The following VPS13A variants were observed in gnomAD, a reference collection of about 807,000 sequenced individuals.
VPS13A encodes vacuolar protein sorting 13 homolog A.
VPS13A carries 264 observed loss-of-function variants against 390.9 expected under a neutral mutation model. The ratio of observed to expected loss-of-function variants is 0.68; its 90% CI spans 0.61 to 0.75. VPS13A has a LOEUF of 0.75. Ranked by LOEUF, VPS13A falls within the 30% of genes least tolerant of loss-of-function variation. The pLI, the probability that VPS13A is intolerant of heterozygous loss-of-function variation, is 0.00. For missense variants in VPS13A, 3,409 were observed against 3,733.9 expected (o/e 0.91, Z 2.27); for synonymous variants, 1,231 against 1,227.1 (o/e 1.00, Z -0.07).
chr9:77,252,775 G>A (rs544060280), intron 22 of VPS13A, among the ~76,000 whole-genome samples: 3 of 152,134 alleles, frequency 2.0e-5, no homozygotes, highest in African/African-American at 7.2e-5. Flanking sequence ...TCTTCACTTA[G>A]CATAATGTCT....
intron 70 of VPS13A, among the ~76,000 whole-genome samples, chr9:77,407,107 T>C (rs1834652542): frequency 6.6e-6 from 1 of 152,204 alleles, no homozygotes; most frequent in Non-Finnish European, 1.5e-5. Context: ...ATACAATATA[T>C]GTATGTGTTT....
intron 68 of VPS13A, chr9:77,383,013 A>G: frequency 1.0e-6 from 1 of 985,302 alleles, no homozygotes; most frequent in Non-Finnish European, 1.2e-6. Flanking sequence ...CAAACAAGGA[A>G]TCATTATGTT....
At chr9:77,372,924 AC>A (rs1406063780) in intron 67 of VPS13A, among the ~76,000 whole-genome samples, 1 of 151,926 alleles carries the variant, frequency 6.6e-6, no homozygotes, top group Admixed American at 6.6e-5. Flanking sequence ...AATCCAACTT[AC>A]AAGGGATGTG....
In VPS13A at chr9:77,225,908, T is replaced by G; in HGVS notation, c.1162-18T>G. ...GTTATTTTTGTAAAGTTAACACATT[T>G]TTGTTTATATTTTTCAGGAGTTGGA... On this transcript the variant is annotated intron_variant, in intron 13 of 71. Coordinates refer to ENST00000360280, the MANE Select transcript of VPS13A (RefSeq NM_033305.3). 6.3e-7 allele frequency: 1 copy of G among 1,589,632 alleles called. No individual in the cohort carries two copies. The highest frequency in any genetic ancestry group is 8.6e-7 in the Non-Finnish European group (1 of 1,158,998).
At chr9:77,247,586 T>G (rs10115162) in intron 20 of VPS13A, among the ~76,000 whole-genome samples, 191 bp downstream of exon 20, 2 of 152,096 alleles carry the variant, frequency 1.3e-5, no homozygotes, top group African/African-American at 4.8e-5. Flanking sequence ...CCTACACTTA[T>G]GAAAGCAAAA....
At chr9:77,286,925 T>C (rs1827356083) in intron 31 of VPS13A, among the ~76,000 whole-genome samples, 2 of 152,042 alleles carry the variant, frequency 1.3e-5, no homozygotes, top group South Asian at 4.1e-4. Context: ...AACATGGTGT[T>C]TTATTAACCG....
At position 77,340,451 on chromosome 9, in the gene VPS13A, G is replaced by A. The variant is rs1234466946; in HGVS notation, c.6927G>A (p.Val2309=). 6.2e-7 allele frequency: 1 copy of A among 1,613,116 alleles called. No homozygotes were observed. The highest frequency in any genetic ancestry group is 1.3e-5 in the African/African-American group (1 of 74,810). The change falls in exon 50 of 72, where the codon GTG becomes GTA. Residue 2309 remains valine (V), a synonymous_variant. Transcript: ENST00000360280. ...DLSSFNITRI[V]TFTPFYMIKN... is the part of the protein sequence containing the mutation. ...GCAGTTTTAACATTACTAGAATTGT[G>A]ACATTTACCCCTTTTTATATGATTA...
At chr9:77,272,997 T>A (rs1826435749) in intron 23 of VPS13A, among the ~76,000 whole-genome samples, 1 of 152,238 alleles carries the variant, frequency 6.6e-6, no homozygotes, top group Non-Finnish European at 1.5e-5. Context: ...TTTAATACTA[T>A]GTTGACTTAA....
At chr9:77,214,286 A>G in intron 9 of VPS13A, 43 bp from the exon 10 acceptor site, 1 of 1,565,442 alleles carries the variant, frequency 6.4e-7, no homozygotes, top group South Asian at 1.1e-5. Flanking sequence ...AAAAAAAGAC[A>G]TATTGGCATG....
Position 77,323,184 on chromosome 9 carries a change from C to G in VPS13A, c.5948C>G (p.Thr1983Arg). 1 of 1,613,394 alleles carries G rather than the reference C, an allele frequency of 6.2e-7. No individual in the cohort carries two copies. The highest frequency in any genetic ancestry group is 1.1e-5 in the South Asian group (1 of 91,076). ...AGATCTATTGTTTGTCAAATTGATA[C>G]AGTAGAAGGAAGTAAGAAGGTCACA... is the stretch of plus-strand genomic sequence containing the variant. ...VERSIVCQID[T>R]VEGSKKVTIR... is the part of the protein sequence containing the mutation. Residue 1983 changes from threonine to arginine, a missense_variant, in exon 45 of 72, where the codon ACA becomes AGA. Thr to Arg is a moderately conservative substitution (Grantham distance 71). Transcript: ENST00000360280.
rs746224069 is a variant in VPS13A, at chr9:77,366,709, A to G, written c.8326-18A>G. On this transcript the variant is annotated intron_variant, in intron 60 of 71. Coordinates refer to ENST00000360280, the MANE Select transcript of VPS13A (RefSeq NM_033305.3). ...ATGAAGAAAATACTTTTAAATATTT[A>G]TCTCTTTATCTTTTTAGTTACATTT... 2 of 1,590,502 alleles carry G rather than the reference A, an allele frequency of 1.3e-6. No homozygotes were observed. The highest frequency in any genetic ancestry group is 8.6e-7 in the Non-Finnish European group (1 of 1,165,314).
At chr9:77,396,441 TAGTC>T (rs1834122649) in intron 68 of VPS13A, among the ~76,000 whole-genome samples, 1 of 152,204 alleles carries the variant, frequency 6.6e-6, no homozygotes, top group Non-Finnish European at 1.5e-5. Context: ...TTTGACCATA[TAGTC>T]AGTAAGATTT....
chr9:77,358,570 A>G, intron 57 of VPS13A, 132 bp downstream of exon 57: 2 of 755,658 alleles, frequency 2.6e-6, no homozygotes, highest in South Asian at 1.5e-5. Context: ...AAACTGCTTG[A>G]AAAAGGACCA....
chr9:77,399,167 T>TAA (rs763173093), intron 68 of VPS13A, among the ~76,000 whole-genome samples: 50 of 86,104 alleles, frequency 5.8e-4, no homozygotes, highest in African/African-American at 1.7e-3. Context: ...TAGAGTATAA[T>TAA]AAAAAAAAAA....
At chr9:77,357,326 AAAAAAAAAAAAAAAAAG>A (rs1385853150) in intron 55 of VPS13A, among the ~76,000 whole-genome samples, 1 of 129,508 alleles carries the variant, frequency 7.7e-6, no homozygotes, top group African/African-American at 2.6e-5. Context: ...CAAAAAAAAA[AAAAAAAAAAAAAAAAAG>A]AAAAGAAAAC....
At chr9:77,388,232 C>T (rs1036014497) in intron 68 of VPS13A, among the ~76,000 whole-genome samples, 15 of 152,128 alleles carry the variant, frequency 9.9e-5, no homozygotes, top group African/African-American at 3.6e-4. Context: ...AATGCTTACA[C>T]TGTTAATTTA....
At chr9:77,380,950 A>G (rs1009462469) in intron 67 of VPS13A, among the ~76,000 whole-genome samples, 1 of 152,202 alleles carries the variant, frequency 6.6e-6, no homozygotes, top group African/African-American at 2.4e-5. Flanking sequence ...CTCCTGCTGC[A>G]CGACTCAGTT....
chr9:77,348,889 A>C (rs970152409), intron 52 of VPS13A, among the ~76,000 whole-genome samples: 1 of 152,216 alleles, frequency 6.6e-6, no homozygotes, highest in Non-Finnish European at 1.5e-5. Context: ...TGAATTAAAC[A>C]GATTAAAATT....
At chr9:77,400,541 A>G (rs1834335657) in intron 68 of VPS13A, among the ~76,000 whole-genome samples, 1 of 151,978 alleles carries the variant, frequency 6.6e-6, no homozygotes, top group African/African-American at 2.4e-5. Context: ...AAGATTATTA[A>G]AATGGGCCGG....
Sources: gnomAD v4.1 joint callset for allele counts (sites outside exome capture counted in the v4.1 genomes callset) on GRCh38, gnomAD v4.1.1 for gene constraint, MANE v1.5 for transcripts, NCBI Gene and HGNC (gene_info 2026-07-23, HGNC 2026-07-21) for gene names.